SLC14A1: variants seen among roughly 807,000 people sequenced by gnomAD.
SLC14A1 encodes the protein solute carrier family 14 member 1 (Kidd blood group), also known as urea transporter 1.
A neutral mutation model predicts 39.6 loss-of-function variants in SLC14A1; 36 were observed. The ratio of observed to expected loss-of-function variants is 0.91; its 90% confidence interval spans 0.70 to 1.20. The LOEUF (loss-of-function observed/expected upper bound fraction) is 1.20, where lower values mean the gene tolerates loss of function less well. SLC14A1 is among the 50% of genes most tolerant of loss of function. The pLI, the probability that SLC14A1 is intolerant of heterozygous loss-of-function variation, is 0.00. For synonymous variants in SLC14A1, 164 were observed against 173.6 expected (o/e 0.94, Z 0.43); for missense variants, 469 against 478.7 (o/e 0.98, Z 0.19).
chr18:45,739,287 G>C lies in SLC14A1; in HGVS notation c.788G>C (p.Gly263Ala), dbSNP rs2047287121. Residue 263 changes from glycine to alanine, a missense_variant, in exon 7 of 10, where the codon GGA becomes GCA. Transcript: ENST00000321925. ...CTCATGTGCCTGCATGCTGCCATAG[G>C]ATCATTGCTGGGCATAGCAGCGGGT... ...SPLMCLHAAIGSLLGIAAGLS... is the reference protein window; with the variant it reads ...SPLMCLHAAIASLLGIAAGLS... 6.2e-7 allele frequency: 1 copy of C among 1,614,140 alleles called. No individual in the cohort carries two copies. The highest frequency in any genetic ancestry group is 8.5e-7 in the Non-Finnish European group (1 of 1,180,012).
chr18:45,739,317 A>G lies in SLC14A1; in HGVS notation c.811+7A>G. The G allele has an allele frequency of 6.2e-7, 1 of 1,614,128 alleles. No individual in the cohort carries two copies. The highest frequency in any genetic ancestry group is 8.5e-7 in the Non-Finnish European group (1 of 1,180,016). On this transcript the variant is annotated splice_region_variant and intron_variant, in intron 7 of 9. Coordinates refer to ENST00000321925, the MANE Select transcript of SLC14A1 (RefSeq NM_015865.7). ...TTGCTGGGCATAGCAGCGGGTGAGCACAAGAGCCCTTACCAAATATTGAGC... is the reference window on the plus strand; with the variant it reads ...TTGCTGGGCATAGCAGCGGGTGAGCGCAAGAGCCCTTACCAAATATTGAGC...
In SLC14A1 at chr18:45,730,308, G is replaced by A. The variant is rs200038693; in HGVS notation, c.-13G>A. 6.8e-6 allele frequency: 11 copies of A among 1,612,474 alleles called. No individual in the cohort carries two copies. Among genetic ancestry groups the A allele is most frequent in the Admixed American group, 1.7e-5 (1 of 59,982 alleles). On this transcript the variant is annotated 5_prime_UTR_variant, in exon 3 of 10. Coordinates refer to ENST00000321925, the MANE Select transcript of SLC14A1 (RefSeq NM_015865.7). Reference sequence around the variant, plus strand: ...TCTGTCCTTCCCTCAAGGAGCCAGAGGAAGAGATAGCCATGGAGGACAGCC... The same window carrying A: ...TCTGTCCTTCCCTCAAGGAGCCAGAAGAAGAGATAGCCATGGAGGACAGCC...
rs1194657740 is a variant in SLC14A1 at position 45,752,102 on chromosome 18, C to G, written c.*2151C>G. On this transcript the variant is annotated 3_prime_UTR_variant, in exon 10 of 10. Transcript: ENST00000321925. ...CAAAGCCTTTGGAACTATGAATTTG[C>G]AACTGTCATAGGTTTATGGATATTG... 2 of 985,242 alleles carry G rather than the reference C, an allele frequency of 2.0e-6. No homozygotes were observed. Among genetic ancestry groups the G allele is most frequent in the African/African-American group, 3.5e-5 (2 of 57,192 alleles). The allele number at this position is 985,242 out of a possible 1,614,324, so 61.0% of individuals were successfully genotyped here. A position where few individuals can be genotyped will look rare whatever the true frequency, so the allele number is the denominator to read the frequency against.
At chr18:45,727,443 G>A (rs1165125851) in intron 2 of SLC14A1, 1 of 1,529,056 alleles carries the variant, frequency 6.5e-7, no homozygotes, top group Admixed American at 2.0e-5. Context: ...TGCAGCCTCT[G>A]GCTCGGGGAA....
At position 45,739,289 on chromosome 18, in the gene SLC14A1, T is replaced by A; in HGVS notation, c.790T>A (p.Ser264Thr). ...PLMCLHAAIG[S>T]LLGIAAGLSL... The stretch of plus-strand genomic sequence containing the variant: ...CATGTGCCTGCATGCTGCCATAGGA[T>A]CATTGCTGGGCATAGCAGCGGGTGA... The change falls in exon 7 of 10, where the codon TCA (serine) becomes ACA (threonine). Residue 264 changes from serine to threonine, a missense_variant. Coordinates refer to ENST00000321925, the MANE Select transcript of SLC14A1 (RefSeq NM_015865.7). The A allele has an allele frequency of 6.2e-7, 1 of 1,614,150 alleles. No individual in the cohort carries two copies. The highest frequency in any genetic ancestry group is 8.5e-7 in the Non-Finnish European group (1 of 1,180,012).
chr18:45,735,907 G>T (rs949110256), intron 5 of SLC14A1, among the ~76,000 whole-genome samples: 1 of 152,240 alleles, frequency 6.6e-6, no homozygotes, highest in South Asian at 2.1e-4. Flanking sequence ...AAGGAGATGC[G>T]CCTTGCCTAG....
chr18:45,739,904 A>G, intron 8 of SLC14A1: 1 of 567,736 alleles, frequency 1.8e-6, no homozygotes, highest in Non-Finnish European at 3.1e-6. Flanking sequence ...ATATCCTAAA[A>G]CATGGATGTT....
intron 2 of SLC14A1, chr18:45,727,133 A>G: frequency 1.2e-6 from 1 of 832,874 alleles, no homozygotes; most frequent in African/African-American, 1.7e-5. Context: ...ATGTGGGGCC[A>G]CATCTTCCCT....
chr18:45,735,429 C>A (rs1473944010), intron 5 of SLC14A1, among the ~76,000 whole-genome samples: 1 of 152,134 alleles, frequency 6.6e-6, no homozygotes, highest in Admixed American at 6.5e-5. Context: ...CCCCCCAGGT[C>A]TCCCTTAGAA....
chr18:45,736,679 T>C (rs1599282428), intron 6 of SLC14A1, 31 bp downstream of exon 6: 1 of 1,602,418 alleles, frequency 6.2e-7, no homozygotes, highest in Non-Finnish European at 8.6e-7. Flanking sequence ...ACATTCGCCC[T>C]GGCTCTGCAA....
chr18:45,737,901 C>G (rs11877028), intron 6 of SLC14A1, among the ~76,000 whole-genome samples: 63,995 of 152,094 alleles, frequency 0.42, 14,238 homozygotes, highest in East Asian at 0.52. Flanking sequence ...GAAGCCTTGT[C>G]CTTCTCACTC....
At chr18:45,727,320 C>T (rs1383871909) in intron 2 of SLC14A1, 111 of 1,551,560 alleles carry the variant, frequency 7.2e-5, no homozygotes, top group Non-Finnish European at 9.3e-5. Context: ...CCGTCATGGT[C>T]CTGTTTGGAA....
rs776501225 is a variant in SLC14A1, at chr18:45,748,401, C to A, written c.972C>A (p.Val324=). ...GCALFTAYLG[V]GMANFMAEVG... is the part of the protein sequence containing the mutation. ...CCCTGTTCACGGCCTATCTTGGAGTCGGCATGGCAAACTTTATGGCTGAGG... is the reference window on the plus strand; with the variant it reads ...CCCTGTTCACGGCCTATCTTGGAGTAGGCATGGCAAACTTTATGGCTGAGG... Residue 324 remains valine (V), a synonymous_variant, in exon 9 of 10, where the codon GTC becomes GTA. Coordinates refer to ENST00000321925, the MANE Select transcript of SLC14A1 (RefSeq NM_015865.7). The A allele has an allele frequency of 6.2e-7, 1 of 1,614,008 alleles. No individual in the cohort carries two copies. The highest frequency in any genetic ancestry group is 8.5e-7 in the Non-Finnish European group (1 of 1,179,988).
In SLC14A1 at chr18:45,750,122, T is replaced by A; in HGVS notation, c.*171T>A. Reference sequence around the variant, plus strand: ...TATTTTCCTTTCAACTCCAGGAATATCCTTGAGCATATGAGAGTCACATCC... The same window carrying A: ...TATTTTCCTTTCAACTCCAGGAATAACCTTGAGCATATGAGAGTCACATCC... On this transcript the variant is annotated 3_prime_UTR_variant, in exon 10 of 10. Coordinates refer to ENST00000321925, the MANE Select transcript of SLC14A1 (RefSeq NM_015865.7). The A allele has an allele frequency of 6.7e-7, 1 of 1,495,290 alleles. No individual in the cohort carries two copies. Among genetic ancestry groups the A allele is most frequent in the Non-Finnish European group, 8.9e-7 (1 of 1,128,652 alleles). The allele number at this position is 1,495,290 out of a possible 1,614,324, so 92.6% of individuals were successfully genotyped here. A position where few individuals can be genotyped will look rare whatever the true frequency, so the allele number is the denominator to read the frequency against.
At chr18:45,736,698 A>G (rs746235365) in intron 6 of SLC14A1, 50 bp downstream of exon 6, 49 of 1,528,644 alleles carry the variant, frequency 3.2e-5, no homozygotes, top group East Asian at 6.8e-5. Flanking sequence ...AAGATACGCA[A>G]TGGCCTCCTG....
rs2047730592 is a variant in SLC14A1 at position 45,752,289 on chromosome 18, C to T, written c.*2338C>T. ...AGAACCAGAGGCCTCTAAAATGGAC[C>T]CGAGTCGATCTTCAGAACAGGGATC... On this transcript the variant is annotated 3_prime_UTR_variant, in exon 10 of 10. Transcript: ENST00000321925. The T allele has an allele frequency of 2.1e-6, 2 of 966,284 alleles. No homozygotes were observed. Among genetic ancestry groups the T allele is most frequent in the Admixed American group, 6.2e-5 (1 of 16,222 alleles). The allele number at this position is 966,284 out of a possible 1,614,324, so 59.9% of individuals were successfully genotyped here. A position where few individuals can be genotyped will look rare whatever the true frequency, so the allele number is the denominator to read the frequency against.
chr18:45,739,474 C>T (rs1348265654), intron 7 of SLC14A1, 54 bp from the exon 8 acceptor site: 1 of 1,613,178 alleles, frequency 6.2e-7, no homozygotes, highest in South Asian at 1.1e-5. Context: ...CCTCAGTTTC[C>T]TTCCAGAACA....
rs767641233 is a variant in SLC14A1, at chr18:45,739,264, C to T, written c.765C>T (p.Leu255=). The change falls in exon 7 of 10, where the codon CTC becomes CTT. Residue 255 remains leucine (L), a synonymous_variant. Coordinates refer to ENST00000321925, the MANE Select transcript of SLC14A1 (RefSeq NM_015865.7). ...GAGCCATCCTACTCTCCTCCCCACT[C>T]ATGTGCCTGCATGCTGCCATAGGAT... The part of the protein sequence containing the change: ...FLGAILLSSP[L]MCLHAAIGSL... 4 of 1,614,076 alleles carry T rather than the reference C, an allele frequency of 2.5e-6. No homozygotes were observed. Among genetic ancestry groups the T allele is most frequent in the Non-Finnish European group, 3.4e-6 (4 of 1,180,044 alleles).
intron 5 of SLC14A1, among the ~76,000 whole-genome samples, chr18:45,735,275 T>C (rs2144779377): frequency 6.6e-6 from 1 of 152,336 alleles, no homozygotes; most frequent in Middle Eastern, 3.4e-3. Context: ...CAGGGTTTGT[T>C]ACACCACAGG....
Sources: gnomAD v4.1 joint callset for allele counts (sites outside exome capture counted in the v4.1 genomes callset) on GRCh38, gnomAD v4.1.1 for gene constraint, MANE v1.5 for transcripts, NCBI Gene and HGNC (gene_info 2026-07-23, HGNC 2026-07-21) for gene names.